ITGA2: variants seen among roughly 807,000 people sequenced by gnomAD.
ITGA2 encodes integrin alpha-2.
A neutral mutation model predicts 146.3 loss-of-function variants in ITGA2; 101 were observed. The observed-to-expected ratio is 0.69, with a 90% CI of 0.59 to 0.81. The LOEUF is 0.81. ITGA2 is among the 40% of genes least tolerant of loss of function. The probability of loss-of-function intolerance (pLI) is 0.00; values close to 1 mark genes in which losing one functional copy is unlikely to be tolerated. For missense variants in ITGA2, 1,281 were observed against 1,402.7 expected, an observed-to-expected ratio of 0.91 and a Z score of 1.39; for synonymous variants, 477 against 487.1, an observed-to-expected ratio of 0.98 and a Z score of 0.27.
intron 2 of ITGA2, among the ~76,000 whole-genome samples, chr5:53,041,864 A>C (rs1233301884): frequency 1.3e-5 from 2 of 152,154 alleles, no homozygotes; most frequent in African/African-American, 4.8e-5. Context: ...CGTAGCTTGC[A>C]TTATATTTCT....
intron 1 of ITGA2, 151 bp downstream of exon 1, chr5:52,989,683 T>C: frequency 1.2e-6 from 1 of 806,924 alleles, no homozygotes; most frequent in Non-Finnish European, 2.1e-6. Context: ...CAGGACCTGC[T>C]TGGAAAGAGA....
chr5:53,029,824 A>G (rs1743138588), intron 2 of ITGA2, among the ~76,000 whole-genome samples: 1 of 152,214 alleles, frequency 6.6e-6, no homozygotes, highest in Admixed American at 6.5e-5. Context: ...CCAATTCTAA[A>G]TGATTCATCC....
chr5:53,082,440 G>A (rs1233462645), intron 26 of ITGA2, among the ~76,000 whole-genome samples: 2 of 152,166 alleles, frequency 1.3e-5, no homozygotes, highest in African/African-American at 2.4e-5. Context: ...GTAGGTAAAT[G>A]CATGCTGTAA....
chr5:53,092,257 A>T lies in ITGA2; in HGVS notation c.*1658A>T, dbSNP rs1194230465. 1 of 152,206 alleles carries T rather than the reference A, an allele frequency of 6.6e-6. No homozygotes were observed. Among genetic ancestry groups the T allele is most frequent in the Non-Finnish European group, 1.5e-5 (1 of 68,042 alleles). The allele number at this position is 152,206 out of a possible 1,614,324, so 9.4% of individuals were successfully genotyped here. Reference sequence around the variant, plus strand: ...TCAGAGTCCTCATTATAAAATGGGAAGACTGAGCTGGAGTTCAGCAGTGAT... The same window carrying T: ...TCAGAGTCCTCATTATAAAATGGGATGACTGAGCTGGAGTTCAGCAGTGAT... On this transcript the variant is annotated 3_prime_UTR_variant, in exon 30 of 30. Transcript: ENST00000296585.
intron 1 of ITGA2, among the ~76,000 whole-genome samples, chr5:52,993,936 T>G (rs26682): frequency 0.46 from 69,157 of 151,784 alleles, 16,068 homozygotes; most frequent in East Asian, 0.64. Context: ...AATGGAAGGT[T>G]GGTGGAGTTC....
intron 1 of ITGA2, among the ~76,000 whole-genome samples, chr5:52,998,390 G>T (rs547109220): frequency 1.3e-5 from 2 of 152,242 alleles, no homozygotes; most frequent in East Asian, 1.9e-4. Flanking sequence ...GGAGGCGGAG[G>T]TTGCAGTGAG....
chr5:53,015,376 T>A (rs973988101), intron 1 of ITGA2, among the ~76,000 whole-genome samples: 1 of 152,220 alleles, frequency 6.6e-6, no homozygotes, highest in East Asian at 1.9e-4. Context: ...AGGAGCAGGA[T>A]GTTTACTTTA....
chr5:53,091,143 T>A lies in ITGA2; in HGVS notation c.*544T>A, dbSNP rs962083950. On this transcript the variant is annotated 3_prime_UTR_variant, in exon 30 of 30. Transcript: ENST00000296585. ...CATCCAAAGTTGCCACAGATGATACTTCCAAGTGATAATTTTATTTATAAA... is the reference window on the plus strand; with the variant it reads ...CATCCAAAGTTGCCACAGATGATACATCCAAGTGATAATTTTATTTATAAA... 6.7e-5 allele frequency: 12 copies of A among 178,116 alleles called. No individual in the cohort carries two copies. The highest frequency in any genetic ancestry group is 2.6e-4 in the African/African-American group (11 of 42,160). 11.0% of individuals were successfully genotyped at this position (178,116 alleles called of 1,614,324 possible).
chr5:53,000,854 A>AT (rs1464087693), intron 1 of ITGA2, among the ~76,000 whole-genome samples: 1 of 94,864 alleles, frequency 1.1e-5, no homozygotes, highest in Non-Finnish European at 2.3e-5. Context: ...CTTGGGTGAT[A>AT]TTTTTCTACA....
intron 6 of ITGA2, among the ~76,000 whole-genome samples, chr5:53,050,241 C>G (rs1156875412): frequency 6.6e-6 from 1 of 152,136 alleles, no homozygotes. Flanking sequence ...TGATTCCTCT[C>G]TAGAAGTGGT....
intron 16 of ITGA2, among the ~76,000 whole-genome samples, chr5:53,069,488 C>A (rs1745289477): frequency 6.6e-6 from 1 of 151,820 alleles, no homozygotes; most frequent in Admixed American, 6.6e-5. Flanking sequence ...TGTCCATGTT[C>A]CCTTAGAGTA....
chr5:53,033,764 A>ATT (rs138567152), intron 2 of ITGA2, among the ~76,000 whole-genome samples: 2 of 135,868 alleles, frequency 1.5e-5, no homozygotes, highest in South Asian at 2.4e-4. Context: ...TACTAGGCTA[A>ATT]TTTTTTTTTT....
At chr5:53,010,549 C>G (rs28782593) in intron 1 of ITGA2, among the ~76,000 whole-genome samples, 1 of 152,060 alleles carries the variant, frequency 6.6e-6, no homozygotes, top group African/African-American at 2.4e-5. Context: ...GAATTTTGCC[C>G]CAGGACAGAT....
At position 53,071,987 on chromosome 5, in the gene ITGA2, T is replaced by C. The variant is rs758057287; in HGVS notation, c.2285T>C (p.Leu762Pro). The C allele has an allele frequency of 1.2e-6, 2 of 1,612,340 alleles. No homozygotes were observed. Among genetic ancestry groups the C allele is most frequent in the Non-Finnish European group, 1.7e-6 (2 of 1,178,980 alleles). Reference sequence around the variant, plus strand: ...TTGGATTTGCGTGTGGACATCAGTCTGGAAAACCCTGGCACTAGCCCTGCC... The same window carrying C: ...TTGGATTTGCGTGTGGACATCAGTCCGGAAAACCCTGGCACTAGCCCTGCC... ...NSLDLRVDIS[L>P]ENPGTSPALE... Residue 762 changes from leucine to proline, a missense_variant, in exon 18 of 30, where the codon CTG (leucine) becomes CCG (proline). This residue lies in a region of ITGA2 where 475 missense variants were observed against 530.5 expected (regional missense o/e 0.90). Transcript: ENST00000296585.
chr5:53,035,069 G>A (rs1381956666), intron 2 of ITGA2, among the ~76,000 whole-genome samples: 1 of 152,152 alleles, frequency 6.6e-6, no homozygotes. Context: ...TGCTTTATGA[G>A]CTATAAAGCA....
intron 16 of ITGA2, among the ~76,000 whole-genome samples, chr5:53,068,945 C>T (rs1300796229): frequency 6.8e-6 from 1 of 146,550 alleles, no homozygotes; most frequent in African/African-American, 2.5e-5. Flanking sequence ...CATTGTTTTT[C>T]CTTTACATCA....
chr5:52,992,681 T>C (rs1307926617), intron 1 of ITGA2, among the ~76,000 whole-genome samples: 1 of 152,214 alleles, frequency 6.6e-6, no homozygotes, highest in Non-Finnish European at 1.5e-5. Context: ...AACTGGATTT[T>C]CTTTTCTTAT....
In ITGA2 at chr5:53,074,425, A is replaced by G; in HGVS notation, c.2612A>G (p.Gln871Arg). 6.2e-7 allele frequency: 1 copy of G among 1,612,394 alleles called. No homozygotes were observed. Among genetic ancestry groups the G allele is most frequent in the Non-Finnish European group, 8.5e-7 (1 of 1,178,938 alleles). Reference sequence around the variant, plus strand: ...GTAACATGCCAGGTGGCTGCATCTCAGAAGTCTGTTGCCTGCGATGTAGGC... The same window carrying G: ...GTAACATGCCAGGTGGCTGCATCTCGGAAGTCTGTTGCCTGCGATGTAGGC... ...TEVTCQVAASQKSVACDVGYP... is the reference protein window; with the variant it reads ...TEVTCQVAASRKSVACDVGYP... Residue 871 changes from glutamine (Q) to arginine (R), a missense_variant, in exon 21 of 30, where the codon CAG becomes CGG. Transcript: ENST00000296585.
At chr5:53,029,929 A>T (rs910873879) in intron 2 of ITGA2, among the ~76,000 whole-genome samples, 1 of 152,250 alleles carries the variant, frequency 6.6e-6, no homozygotes, top group Non-Finnish European at 1.5e-5. Flanking sequence ...GTTCATAGAC[A>T]TGGCCTAGCT....
Sources: allele counts gnomAD v4.1 joint callset (sites outside exome capture counted in the v4.1 genomes callset), GRCh38; gene constraint gnomAD v4.1.1; regional missense constraint gnomAD v4.1.1; transcripts MANE v1.5; gene names NCBI Gene and HGNC (gene_info 2026-07-23, HGNC 2026-07-21).